Variants in ZNF644 observed in about 807,000 individuals in gnomAD.
ZNF644 encodes the protein zinc finger motif enhancer binding protein 2.
Under a neutral mutation model 108.0 loss-of-function variants are expected in ZNF644, and 20 were observed. The ratio of observed to expected loss-of-function variants is 0.19; its 90% CI spans 0.13 to 0.27. ZNF644 has a LOEUF of 0.27. ZNF644 is among the 10% of genes least tolerant of loss of function. ZNF644 has a pLI of 1.00. For missense variants in ZNF644, 1,338 were observed against 1,548.9 expected (o/e 0.86, Z 2.29); for synonymous variants, 542 against 539.1 (o/e 1.01, Z -0.08).
At position 91,015,931 on chromosome 1, in the gene ZNF644, A is replaced by G. The variant is rs771443701; in HGVS notation, c.-18+6059T>C. On this transcript the variant is annotated intron_variant, in intron 1 of 5. Transcript: ENST00000337393. ...TATGCCAGAAAGCTAAGGACTTTAC[A>G]TGAATTATGTAATATCAACCCTAAA... 4.3e-4 allele frequency among the ~76,000 whole-genome samples: 66 copies of G among 152,260 alleles called. 1 individual carries two copies. The highest frequency in any genetic ancestry group is 1.3e-3 in the Admixed American group (20 of 15,290).
intron 4 of ZNF644, among the ~76,000 whole-genome samples, chr1:90,923,768 C>A (rs966062236): frequency 3.3e-5 from 5 of 152,098 alleles, no homozygotes; most frequent in African/African-American, 4.8e-5. Flanking sequence ...GGATGAAATG[C>A]AAAATACCTG....
intron 1 of ZNF644, among the ~76,000 whole-genome samples, chr1:91,007,619 T>C (rs940034669): frequency 3.3e-5 from 5 of 152,180 alleles, no homozygotes; most frequent in African/African-American, 1.2e-4. Flanking sequence ...GGGAGTTTTC[T>C]CAACTTTATC....
At chr1:90,935,055 T>C (rs1651171449) in intron 4 of ZNF644, among the ~76,000 whole-genome samples, 2 of 152,280 alleles carry the variant, frequency 1.3e-5, no homozygotes, top group Admixed American at 1.3e-4. Flanking sequence ...GGCACACCAC[T>C]GAGCCCGACT....
In ZNF644 at chr1:90,940,781, A is replaced by T. The variant is rs745373912; in HGVS notation, c.573T>A (p.Asn191Lys). The T allele has an allele frequency of 1.5e-5, 25 of 1,613,980 alleles. No homozygotes were observed. The highest frequency in any genetic ancestry group is 2.1e-5 in the Non-Finnish European group (25 of 1,179,974). The change falls in exon 3 of 6, where the codon AAT (asparagine) becomes AAA (lysine). Residue 191 changes from asparagine to lysine, a missense_variant. This residue lies in a region of ZNF644 where 464 missense variants were observed against 457.9 expected (regional missense o/e 1.01). Transcript: ENST00000337393. ...VAHAKNPTHS[N>K]KKLPTSASVG... ...CTGAAGCAGAGGTAGGTAGTTTTTTATTGGAATGGGTGGGATTCTTAGCAT... is the reference window on the plus strand; with the variant it reads ...CTGAAGCAGAGGTAGGTAGTTTTTTTTTGGAATGGGTGGGATTCTTAGCAT...
intron 2 of ZNF644, among the ~76,000 whole-genome samples, chr1:90,942,479 G>A (rs1398607602): frequency 6.6e-6 from 1 of 151,972 alleles, no homozygotes; most frequent in Non-Finnish European, 1.5e-5. Context: ...TTGAGGGCTG[G>A]GAATGTAATC....
intron 2 of ZNF644, among the ~76,000 whole-genome samples, chr1:90,944,169 G>C (rs568244559): frequency 6.6e-6 from 1 of 152,256 alleles, no homozygotes; most frequent in Non-Finnish European, 1.5e-5. Flanking sequence ...TCTGGTGTTA[G>C]AGGTTTAGAG....
intron 2 of ZNF644, among the ~76,000 whole-genome samples, chr1:90,961,015 A>C (rs948678171): frequency 6.6e-6 from 1 of 152,184 alleles, no homozygotes; most frequent in African/African-American, 2.4e-5. Flanking sequence ...ACTAAAGGGT[A>C]CAATAGAAAG....
chr1:90,985,198 T>G (rs1433821207), intron 1 of ZNF644, among the ~76,000 whole-genome samples: 1 of 152,216 alleles, frequency 6.6e-6, no homozygotes, highest in Non-Finnish European at 1.5e-5. Flanking sequence ...AAATACTAGT[T>G]GTATATATTA....
chr1:90,926,225 T>A (rs565587622), intron 4 of ZNF644, among the ~76,000 whole-genome samples: 1 of 152,296 alleles, frequency 6.6e-6, no homozygotes, highest in Admixed American at 6.5e-5. Context: ...CTGTTTCACC[T>A]TTTGACATGT....
intron 2 of ZNF644, among the ~76,000 whole-genome samples, chr1:90,952,695 A>C (rs537255017): frequency 6.6e-6 from 1 of 152,292 alleles, no homozygotes; most frequent in East Asian, 1.9e-4. Flanking sequence ...AAAACAGAGA[A>C]AAGAGTAAGA....
chr1:90,987,250 T>G (rs551549459), intron 1 of ZNF644, among the ~76,000 whole-genome samples: 7 of 141,760 alleles, frequency 4.9e-5, no homozygotes, highest in African/African-American at 1.7e-4. Flanking sequence ...GAGTTGGTTT[T>G]TTTTTTTTTT....
Position 90,923,825 on chromosome 1 carries a change from A to T in ZNF644, c.3689-5671T>A, listed in dbSNP as rs368689110. ...TAAGAATTAGGTTTGTGGTTTTACA[A>T]TTATTAGTCCACAAGGACTGGTTGC... On this transcript the variant is annotated intron_variant, in intron 4 of 5. Transcript: ENST00000337393. 9.3e-4 allele frequency among the ~76,000 whole-genome samples: 141 copies of T among 152,284 alleles called. 1 individual carries two copies. The highest frequency in any genetic ancestry group is 2.5e-3 in the African/African-American group (103 of 41,564).
intron 2 of ZNF644, among the ~76,000 whole-genome samples, chr1:90,946,551 C>T (rs918415814): frequency 1.3e-5 from 2 of 152,098 alleles, no homozygotes; most frequent in African/African-American, 4.8e-5. Flanking sequence ...AAGAATTACA[C>T]TACTGAGCCT....
intron 4 of ZNF644, among the ~76,000 whole-genome samples, chr1:90,930,130 T>C (rs1373349028): frequency 6.6e-6 from 1 of 152,052 alleles, no homozygotes; most frequent in African/African-American, 2.4e-5. Context: ...CTACTAAAAA[T>C]ACAAAATTAG....
intron 2 of ZNF644, among the ~76,000 whole-genome samples, chr1:90,976,342 G>C (rs1190235805): frequency 6.6e-6 from 1 of 152,098 alleles, no homozygotes; most frequent in Non-Finnish European, 1.5e-5. Flanking sequence ...TAGTTGCATG[G>C]TACTGGGAAT....
At chr1:90,953,882 C>T (rs1347630832) in intron 2 of ZNF644, among the ~76,000 whole-genome samples, 1 of 152,088 alleles carries the variant, frequency 6.6e-6, no homozygotes, top group African/African-American at 2.4e-5. Context: ...CGCCACTACT[C>T]CAGCCTGGTG....
At chr1:91,010,120 A>G (rs1295225545) in intron 1 of ZNF644, among the ~76,000 whole-genome samples, 1 of 152,060 alleles carries the variant, frequency 6.6e-6, no homozygotes, top group Non-Finnish European at 1.5e-5. Context: ...TTTCTAATCC[A>G]AACTTCTTTA....
At chr1:90,948,661 G>C (rs1387676747) in intron 2 of ZNF644, among the ~76,000 whole-genome samples, 1 of 152,196 alleles carries the variant, frequency 6.6e-6, no homozygotes, top group East Asian at 1.9e-4. Context: ...AGAACCCACA[G>C]ATACAGAAAG....
In ZNF644 at chr1:90,995,105, A is replaced by C. The variant is rs150788984; in HGVS notation, c.-17-12735T>G. ...CCAGACTCAGGAAAAAAGAAAAGTAAATCAACAGATACTGATTCTGAGTCT... is the reference window on the plus strand; with the variant it reads ...CCAGACTCAGGAAAAAAGAAAAGTACATCAACAGATACTGATTCTGAGTCT... On this transcript the variant is annotated intron_variant, in intron 1 of 5. Coordinates refer to ENST00000337393, the MANE Select transcript of ZNF644 (RefSeq NM_201269.3). Among the ~76,000 whole-genome samples, 592 of 152,332 alleles carry C rather than the reference A, an allele frequency of 3.9e-3. 1 individual carries two copies. The highest frequency in any genetic ancestry group is 0.013 in the African/African-American group (530 of 41,568).
Sources: allele counts gnomAD v4.1 joint callset (sites outside exome capture counted in the v4.1 genomes callset), GRCh38; gene constraint gnomAD v4.1.1; regional missense constraint gnomAD v4.1.1; transcripts MANE v1.5; gene names NCBI Gene and HGNC (gene_info 2026-07-23, HGNC 2026-07-21).